Variants in COMMD10 observed in about 807,000 individuals in gnomAD.
The protein encoded by COMMD10 is COMM domain containing 10.
A neutral mutation model predicts 28.9 loss-of-function variants in COMMD10; 33 were observed. That is an observed-to-expected ratio of 1.14 (90% CI 0.87 to 1.53). COMMD10 has a LOEUF of 1.53. Ranked by LOEUF, COMMD10 falls within the 40% of genes most tolerant of loss-of-function variation. The pLI is 0.00. For missense variants in COMMD10, 310 were observed against 233.4 expected, an observed-to-expected ratio of 1.33 and a Z score of -2.14; for synonymous variants, 110 against 81.7, an observed-to-expected ratio of 1.35 and a Z score of -1.87.
At chr5:116,088,505 C>G (rs1374332451) in intron 2 of COMMD10, among the ~76,000 whole-genome samples, 4 of 152,202 alleles carry the variant, frequency 2.6e-5, no homozygotes, top group African/African-American at 9.7e-5. Flanking sequence ...CCATCAGTGA[C>G]TGTCCATTGC....
chr5:116,102,209 T>C (rs13184073), intron 4 of COMMD10, among the ~76,000 whole-genome samples: 77,804 of 152,070 alleles, frequency 0.51, 22,178 homozygotes, highest in Non-Finnish European at 0.65. Flanking sequence ...TGAAGTCTCT[T>C]AATTCATCTT....
intron 4 of COMMD10, among the ~76,000 whole-genome samples, chr5:116,122,076 G>A (rs1167285824): frequency 1.3e-5 from 2 of 152,150 alleles, no homozygotes; most frequent in Non-Finnish European, 2.9e-5. Context: ...GTCCTGAATG[G>A]TATTGCCTAG....
At chr5:116,223,224 T>TA (rs1749309886) in intron 5 of COMMD10, among the ~76,000 whole-genome samples, 1 of 151,974 alleles carries the variant, frequency 6.6e-6, no homozygotes, top group African/African-American at 2.4e-5. Flanking sequence ...GGAGATAGGA[T>TA]AAAATGTAAG....
chr5:116,183,297 T>C (rs1365237852), intron 5 of COMMD10, among the ~76,000 whole-genome samples: 1 of 152,086 alleles, frequency 6.6e-6, no homozygotes, highest in African/African-American at 2.4e-5. Context: ...AAAATGTTTC[T>C]AGAAGACCTA....
At chr5:116,191,926 A>C (rs1748381577) in intron 5 of COMMD10, among the ~76,000 whole-genome samples, 2 of 144,414 alleles carry the variant, frequency 1.4e-5, no homozygotes, top group East Asian at 2.3e-4. Flanking sequence ...CACTAACTCC[A>C]CTGGAACAGG....
At chr5:116,215,416 A>G (rs1032507252) in intron 5 of COMMD10, among the ~76,000 whole-genome samples, 40 of 151,988 alleles carry the variant, frequency 2.6e-4, no homozygotes, top group African/African-American at 9.4e-4. Flanking sequence ...TGAAAAATTC[A>G]TGAATATTAT....
At chr5:116,104,222 A>G (rs951406700) in intron 4 of COMMD10, among the ~76,000 whole-genome samples, 1 of 152,220 alleles carries the variant, frequency 6.6e-6, no homozygotes, top group Non-Finnish European at 1.5e-5. Flanking sequence ...CATTGAATCT[A>G]TAAATTACTT....
At chr5:116,287,910 A>G (rs967519138) in intron 5 of COMMD10, among the ~76,000 whole-genome samples, 1 of 151,818 alleles carries the variant, frequency 6.6e-6, no homozygotes, top group Admixed American at 6.6e-5. Flanking sequence ...TTACATGTAC[A>G]TTAATATAGA....
At chr5:116,142,406 A>T (rs1166920708) in intron 5 of COMMD10, among the ~76,000 whole-genome samples, 1 of 151,798 alleles carries the variant, frequency 6.6e-6, no homozygotes, top group Non-Finnish European at 1.5e-5. Context: ...TTTATGCATT[A>T]TGAATGAATT....
intron 5 of COMMD10, among the ~76,000 whole-genome samples, chr5:116,277,318 T>C (rs1037628628): frequency 1.3e-5 from 2 of 151,948 alleles, no homozygotes; most frequent in Non-Finnish European, 2.9e-5. Flanking sequence ...GTTCACTTGA[T>C]TCCAAGAAGA....
At chr5:116,253,739 G>C (rs930266598) in intron 5 of COMMD10, among the ~76,000 whole-genome samples, 10 of 149,054 alleles carry the variant, frequency 6.7e-5, no homozygotes, top group South Asian at 2.1e-4. Context: ...GTTCATCAAG[G>C]ATATTGGTCT....
chr5:116,228,708 T>C (rs1379823776), intron 5 of COMMD10, among the ~76,000 whole-genome samples: 1 of 152,030 alleles, frequency 6.6e-6, no homozygotes, highest in Admixed American at 6.6e-5. Context: ...GTCTGGATTC[T>C]GATCCTTTTC....
chr5:116,235,440 C>T (rs1340249511), intron 5 of COMMD10, among the ~76,000 whole-genome samples: 1 of 152,086 alleles, frequency 6.6e-6, no homozygotes, highest in Non-Finnish European at 1.5e-5. Flanking sequence ...CTGTTACAAT[C>T]CTGGGTTAGA....
intron 5 of COMMD10, among the ~76,000 whole-genome samples, chr5:116,221,410 T>A (rs1448086093): frequency 6.6e-6 from 1 of 152,206 alleles, no homozygotes; most frequent in Non-Finnish European, 1.5e-5. Context: ...GCTATCTCAG[T>A]ATATTGGTCC....
intron 5 of COMMD10, among the ~76,000 whole-genome samples, chr5:116,222,246 A>G (rs1749278721): frequency 6.6e-6 from 1 of 152,222 alleles, no homozygotes; most frequent in Admixed American, 6.5e-5. Context: ...GTTGAAGAAA[A>G]TAAATAGTAA....
In COMMD10 at chr5:116,272,450, C is replaced by T. The variant is rs568474976; in HGVS notation, c.511-19067C>T. 5.2e-4 allele frequency among the ~76,000 whole-genome samples: 79 copies of T among 151,936 alleles called. 2 individuals carry two copies. The highest frequency in any genetic ancestry group is 1.8e-3 in the African/African-American group (76 of 41,278). ...TTCTGCCAAAGTTTTGGCTAATGCT[C>T]TCAAAACACTTTCATAATAAGCAGA... On this transcript the variant is annotated intron_variant, in intron 5 of 6. Transcript: ENST00000274458.
intron 5 of COMMD10, among the ~76,000 whole-genome samples, chr5:116,141,225 T>G (rs1162390139): frequency 2.6e-5 from 4 of 151,780 alleles, no homozygotes; most frequent in African/African-American, 9.7e-5. Flanking sequence ...TGAGAAAAAT[T>G]AATTGAACAT....
chr5:116,277,453 G>T (rs1198198247), intron 5 of COMMD10, among the ~76,000 whole-genome samples: 1 of 151,748 alleles, frequency 6.6e-6, no homozygotes, highest in African/African-American at 2.4e-5. Flanking sequence ...TTTTCTTCTG[G>T]ATAGTTACTG....
chr5:116,239,048 G>T (rs1408955683), intron 5 of COMMD10, among the ~76,000 whole-genome samples: 1 of 152,114 alleles, frequency 6.6e-6, no homozygotes, highest in East Asian at 1.9e-4. Flanking sequence ...TTCTATTGAA[G>T]AGCTCGATGA....
Sources: gnomAD v4.1 joint callset for allele counts (sites outside exome capture counted in the v4.1 genomes callset) on GRCh38, gnomAD v4.1.1 for gene constraint, MANE v1.5 for transcripts, NCBI Gene and HGNC (gene_info 2026-07-23, HGNC 2026-07-21) for gene names.